RGS6: variants seen among roughly 807,000 people sequenced by gnomAD.
RGS6 encodes regulator of G protein signaling 6.
In RGS6, 30 loss-of-function variants were observed where a neutral mutation model predicts 78.5. The ratio of observed to expected loss-of-function variants is 0.38; its 90% CI spans 0.29 to 0.52. The LOEUF (loss-of-function observed/expected upper bound fraction) is 0.52. RGS6 is among the 20% of genes least tolerant of loss of function. The pLI is 0.85. For synonymous variants in RGS6, 206 were observed against 206.0 expected (o/e 1.00, Z 0.00); for missense variants, 495 against 609.7 (o/e 0.81, Z 1.98).
chr14:72,001,471 AACACACACACAC>A (rs3053057), intron 2 of RGS6, among the ~76,000 whole-genome samples: 5,199 of 146,078 alleles, frequency 0.036, 162 homozygotes, highest in African/African-American at 0.073. Context: ...ATAAAAACAG[AACACACACACAC>A]ACACACACAC....
At chr14:72,323,271 T>C (rs955409800) in intron 2 of RGS6, among the ~76,000 whole-genome samples, 1 of 151,996 alleles carries the variant, frequency 6.6e-6, no homozygotes, top group Non-Finnish European at 1.5e-5. Context: ...AGAGATCCCA[T>C]TTACAATAAG....
intron 2 of RGS6, among the ~76,000 whole-genome samples, chr14:72,317,479 C>T (rs1313781023): frequency 6.6e-6 from 1 of 152,098 alleles, no homozygotes; most frequent in Non-Finnish European, 1.5e-5. Flanking sequence ...ACGTTTGCCT[C>T]GACTCTCTAT....
intron 3 of RGS6, among the ~76,000 whole-genome samples, chr14:72,428,501 T>G (rs2094510549): frequency 6.6e-6 from 1 of 152,266 alleles, no homozygotes; most frequent in African/African-American, 2.4e-5. Context: ...TCTCTCTGAA[T>G]GTTCGAAGCA....
At chr14:72,404,472 A>G (rs2092745666) in intron 3 of RGS6, among the ~76,000 whole-genome samples, 1 of 151,724 alleles carries the variant, frequency 6.6e-6, no homozygotes, top group Non-Finnish European at 1.5e-5. Context: ...CCCCAGGGAA[A>G]CCCCTGATGC....
the RGS6 span, among the ~76,000 whole-genome samples, chr14:71,919,480 T>G: frequency 0.061 from 9,229 of 152,098 alleles, 380 homozygotes; most frequent in Non-Finnish European, 0.091. Flanking sequence ...GTGTGTGTGA[T>G]GTGTATGTTA....
chr14:71,938,589 G>A, intron 1 of RGS6, among the ~76,000 whole-genome samples: 1 of 152,198 alleles, frequency 6.6e-6, no homozygotes, highest in Non-Finnish European at 1.5e-5. Flanking sequence ...GGGAGAGAAG[G>A]CAGGGTGGCA....
intron 17 of RGS6, among the ~76,000 whole-genome samples, chr14:72,558,796 A>G (rs1599164815): frequency 6.6e-6 from 1 of 152,152 alleles, no homozygotes; most frequent in East Asian, 1.9e-4. Context: ...GGTGAAAAGC[A>G]CTTTGTCGGT....
chr14:71,996,167 T>A (rs2095196338), intron 2 of RGS6, among the ~76,000 whole-genome samples: 1 of 151,408 alleles, frequency 6.6e-6, no homozygotes, highest in Non-Finnish European at 1.5e-5. Flanking sequence ...TTTTTTTTTT[T>A]TTGTGATTTG....
downstream of RGS6, among the ~76,000 whole-genome samples, chr14:72,571,446 G>A (rs1345292846): frequency 6.6e-6 from 1 of 152,190 alleles, no homozygotes; most frequent in Non-Finnish European, 1.5e-5. Flanking sequence ...CAGTAATCAA[G>A]ACAGGACAGT....
chr14:72,574,177 CACTCAG>C, the RGS6 span, among the ~76,000 whole-genome samples: 1 of 152,204 alleles, frequency 6.6e-6, no homozygotes, highest in Admixed American at 6.5e-5. Context: ...AAGCCTTTAG[CACTCAG>C]ACTCATGGCT....
the RGS6 span, among the ~76,000 whole-genome samples, chr14:71,869,933 T>A: frequency 6.6e-6 from 1 of 152,192 alleles, no homozygotes; most frequent in Non-Finnish European, 1.5e-5. Context: ...TAGCAAGAAG[T>A]CGCTTGCTGG....
At chr14:72,255,841 G>A (rs1284390160) in intron 2 of RGS6, among the ~76,000 whole-genome samples, 1 of 152,050 alleles carries the variant, frequency 6.6e-6, no homozygotes, top group Non-Finnish European at 1.5e-5. Context: ...ATTCTCTAGG[G>A]ATTGAACTAA....
At chr14:71,893,673 G>A in the RGS6 span, among the ~76,000 whole-genome samples, 1 of 152,148 alleles carries the variant, frequency 6.6e-6, no homozygotes, top group East Asian at 1.9e-4. Context: ...GGGAAGAGCT[G>A]TACATATTTA....
chr14:72,629,650 T>A, the RGS6 span: 1 of 1,536,064 alleles, frequency 6.5e-7, no homozygotes, highest in Non-Finnish European at 8.7e-7. Context: ...CCACAGAGGA[T>A]ACAGGATTTG....
At chr14:72,398,258 C>A (rs1009765822) in intron 3 of RGS6, among the ~76,000 whole-genome samples, 1 of 152,162 alleles carries the variant, frequency 6.6e-6, no homozygotes, top group African/African-American at 2.4e-5. Flanking sequence ...AGAGATTCAA[C>A]TTCTTCCTGG....
At chr14:71,957,682 C>T (rs2092894223) in intron 1 of RGS6, among the ~76,000 whole-genome samples, 1 of 152,200 alleles carries the variant, frequency 6.6e-6, no homozygotes, top group African/African-American at 2.4e-5. Flanking sequence ...CCAGGGCCAG[C>T]ATGCCCTGTT....
the RGS6 span, among the ~76,000 whole-genome samples, chr14:71,918,135 C>A: frequency 1.5e-5 from 2 of 130,686 alleles, no homozygotes; most frequent in South Asian, 5.1e-4. Flanking sequence ...GAGCCGAGAT[C>A]GTGCCACTGC....
the RGS6 span, among the ~76,000 whole-genome samples, chr14:71,883,514 C>G: frequency 2.6e-5 from 4 of 151,986 alleles, no homozygotes; most frequent in African/African-American, 4.8e-5. Context: ...TCAGAGGCAT[C>G]TAAACCAGAG....
the RGS6 span, among the ~76,000 whole-genome samples, chr14:72,613,015 T>TGTGC: frequency 6.6e-6 from 1 of 151,694 alleles, no homozygotes; most frequent in African/African-American, 2.4e-5. Flanking sequence ...TGTGTGTGTG[T>TGTGC]GTGTGTGTGT....
Sources: allele counts gnomAD v4.1 joint callset (sites outside exome capture counted in the v4.1 genomes callset), GRCh38; gene constraint gnomAD v4.1.1; transcripts MANE v1.5; gene names NCBI Gene and HGNC (gene_info 2026-07-23, HGNC 2026-07-21).